Variants in ICMT observed in about 807,000 individuals in gnomAD.
The protein encoded by ICMT is protein-S-isoprenylcysteine O-methyltransferase.
In ICMT, 10 loss-of-function variants were observed where a neutral mutation model predicts 32.2. The observed-to-expected ratio is 0.31, with a 90% CI of 0.19 to 0.53. ICMT has a LOEUF of 0.53. Among genes scored for constraint, ICMT ranks in the 20% least tolerant of loss-of-function variants. The pLI is 0.96. For missense variants in ICMT, 265 were observed against 356.9 expected, an observed-to-expected ratio of 0.74 and a Z score of 2.07; for synonymous variants, 183 against 158.2, an observed-to-expected ratio of 1.16 and a Z score of -1.18.
chr1:6,234,176 G>A (rs1430154489), intron 2 of ICMT, among the ~76,000 whole-genome samples: 1 of 152,162 alleles, frequency 6.6e-6, no homozygotes, highest in Non-Finnish European at 1.5e-5. Flanking sequence ...CGCCCGGCAA[G>A]GGACTGTTTT....
At position 6,224,808 on chromosome 1, in the gene ICMT, T is replaced by C; in HGVS notation, c.*272A>G. ...GCGTGTGGCCTCGGTCCTCCCCAGG[T>C]AACTCTGGAGGGCGCTGTGGAATAT... is the stretch of plus-strand genomic sequence containing the variant. On this transcript the variant is annotated 3_prime_UTR_variant, in exon 5 of 5. Transcript: ENST00000343813. 2.6e-6 allele frequency: 1 copy of C among 385,754 alleles called. No homozygotes were observed. Among genetic ancestry groups the C allele is most frequent in the Non-Finnish European group, 4.6e-6 (1 of 215,736 alleles). The allele number at this position is 385,754 out of a possible 1,614,324, so 23.9% of individuals were successfully genotyped here.
rs571316715 is a variant in ICMT at position 6,234,630 on chromosome 1, C to T, written c.284+256G>A. The T allele has an allele frequency of 5.6e-4, 298 of 535,508 alleles. 1 individual carries two copies. The highest frequency in any genetic ancestry group is 4.4e-3 in the African/African-American group (229 of 52,260). 33.2% of individuals were successfully genotyped at this position (535,508 alleles called of 1,614,324 possible). A position where few individuals can be genotyped will look rare whatever the true frequency, so the allele number is the denominator to read the frequency against. ...CTGCTCAAGTTACGGAATGCTGTCA[C>T]CACAGCTGCGGATGACAGCACCTTT... is the stretch of plus-strand genomic sequence containing the variant. On this transcript the variant is annotated intron_variant, in intron 2 of 4. Coordinates refer to ENST00000343813, the MANE Select transcript of ICMT (RefSeq NM_012405.4).
rs1314376422 is a variant in ICMT at position 6,224,004 on chromosome 1, G to C, written c.*1076C>G. The C allele has an allele frequency of 6.6e-6, 1 of 152,176 alleles. No homozygotes were observed. Among genetic ancestry groups the C allele is most frequent in the East Asian group, 1.9e-4 (1 of 5,200 alleles). The allele number at this position is 152,176 out of a possible 1,614,324, so 9.4% of individuals were successfully genotyped here. A position where few individuals can be genotyped will look rare whatever the true frequency, so the allele number is the denominator to read the frequency against. ...TGAATCTTAGTTGGGACTATTTGCA[G>C]TATTTAAGATTATTTTTGAGAGTCA... On this transcript the variant is annotated 3_prime_UTR_variant, in exon 5 of 5. Transcript: ENST00000343813.
At chr1:6,235,572 G>A (rs1337666341) in intron 1 of ICMT, 145 bp downstream of exon 1, 3 of 420,936 alleles carry the variant, frequency 7.1e-6, no homozygotes, top group Non-Finnish European at 1.0e-5. Context: ...GGAGAGAGAG[G>A]GTCCCCTCCT....
intron 4 of ICMT, among the ~76,000 whole-genome samples, chr1:6,226,257 G>C (rs59383588): frequency 6.6e-6 from 1 of 152,160 alleles, no homozygotes; most frequent in Non-Finnish European, 1.5e-5. Context: ...TTAGCTGGGC[G>C]TAGTGGTGGG....
intron 4 of ICMT, among the ~76,000 whole-genome samples, chr1:6,227,564 G>A (rs998346132): frequency 3.3e-5 from 5 of 152,186 alleles, no homozygotes; most frequent in Admixed American, 6.5e-5. Context: ...ACAGTTTCAA[G>A]AAATAAGGCG....
Position 6,232,095 on chromosome 1 carries a change from C to T in ICMT, c.479G>A (p.Ser160Asn). 6.2e-7 allele frequency: 1 copy of T among 1,613,992 alleles called. No individual in the cohort carries two copies. Among genetic ancestry groups the T allele is most frequent in the Non-Finnish European group, 8.5e-7 (1 of 1,179,950 alleles). Residue 160 changes from serine (S) to asparagine (N), a missense_variant, in exon 4 of 5, where the codon AGT (serine) becomes AAT (asparagine). Ser to Asn is a conservative substitution (Grantham distance 46, BLOSUM62 1). This residue lies in a region of ICMT where 166 missense variants were observed against 264.3 expected (regional missense o/e 0.63). Coordinates refer to ENST00000343813, the MANE Select transcript of ICMT (RefSeq NM_012405.4). ...WPELKQITWL[S>N]VTGLLMVVFG... ...GACCACCATCAGCAGCCCTGTGACA[C>T]TGAGCCAGGTAATCTGCTTCAGTTC...
chr1:6,230,988 G>C (rs78719222), intron 4 of ICMT, among the ~76,000 whole-genome samples: 6,638 of 151,668 alleles, frequency 0.044, 457 homozygotes, highest in African/African-American at 0.15. Context: ...GACTGCTTGA[G>C]CTCAGTAGTT....
Position 6,234,315 on chromosome 1 carries a change from C to T in ICMT, c.284+571G>A, listed in dbSNP as rs1013142231. 36 of 376,356 alleles carry T rather than the reference C, an allele frequency of 9.6e-5. 1 individual carries two copies. Among genetic ancestry groups the T allele is most frequent in the South Asian group, 4.6e-4 (23 of 49,584 alleles). The allele number at this position is 376,356 out of a possible 1,614,324, so 23.3% of individuals were successfully genotyped here. ...AACAACATAAAGGAGTGATGTATGT[C>T]GGATACAAAATTTAACAAAACTGAA... On this transcript the variant is annotated intron_variant, in intron 2 of 4. Coordinates refer to ENST00000343813, the MANE Select transcript of ICMT (RefSeq NM_012405.4).
intron 4 of ICMT, among the ~76,000 whole-genome samples, chr1:6,230,971 G>A (rs1034608099): frequency 6.6e-6 from 1 of 151,788 alleles, no homozygotes; most frequent in Non-Finnish European, 1.5e-5. Context: ...AGAGGCCCAG[G>A]AAGGCAGACT....
chr1:6,230,036 TC>T (rs759300534), intron 4 of ICMT, among the ~76,000 whole-genome samples: 23 of 151,876 alleles, frequency 1.5e-4, no homozygotes, highest in Admixed American at 5.2e-4. Context: ...CCTGGCCTAA[TC>T]CCAGCACTTT....
chr1:6,230,718 T>C (rs528353555), intron 4 of ICMT, among the ~76,000 whole-genome samples: 4 of 149,178 alleles, frequency 2.7e-5, no homozygotes, highest in African/African-American at 5.0e-5. Context: ...TCAAACCTCA[T>C]CTCTACTAAA....
chr1:6,235,786 G>C lies in ICMT; in HGVS notation c.126C>G (p.Thr42=). The change falls in exon 1 of 5, where the codon ACC becomes ACG. Residue 42 remains threonine, a synonymous_variant. Coordinates refer to ENST00000343813, the MANE Select transcript of ICMT (RefSeq NM_012405.4). The stretch of plus-strand genomic sequence containing the variant: ...GCCCGGCCACGTAGAGCGCCAGCCC[G>C]GTGCGGCCCTGCAGGCCGGCGCGCG... ...LLTRAGLQGR[T]GLALYVAGLN... 4 of 1,334,704 alleles carry C rather than the reference G, an allele frequency of 3.0e-6. No individual in the cohort carries two copies. The highest frequency in any genetic ancestry group is 3.9e-6 in the Non-Finnish European group (4 of 1,034,116). 82.7% of individuals were successfully genotyped at this position (1,334,704 alleles called of 1,614,324 possible).
chr1:6,225,394 G>C (rs1367214559), intron 4 of ICMT, 132 bp from the exon 5 acceptor site: 3 of 822,166 alleles, frequency 3.6e-6, no homozygotes, highest in Non-Finnish European at 5.7e-6. Flanking sequence ...GTCTCTGGGA[G>C]CAGTACTGTC....
rs1386149699 is a variant in ICMT at position 6,235,852 on chromosome 1, G to A, written c.60C>T (p.Thr20=). ...PGSEARLSLA[T]FLLGASVLAL... is the part of the protein sequence containing the mutation. ...CGAGCACCGAGGCGCCCAGCAGGAA[G>A]GTGGCGAGGCTGAGACGCGCCTCAG... Residue 20 remains threonine, a synonymous_variant, in exon 1 of 5, where the codon ACC becomes ACT. Transcript: ENST00000343813. The A allele has an allele frequency of 7.9e-7, 1 of 1,259,320 alleles. No homozygotes were observed. The highest frequency in any genetic ancestry group is 1.0e-6 in the Non-Finnish European group (1 of 993,712). The allele number at this position is 1,259,320 out of a possible 1,614,324, so 78.0% of individuals were successfully genotyped here.
chr1:6,225,536 A>G (rs2100960001), intron 4 of ICMT, among the ~76,000 whole-genome samples: 1 of 152,174 alleles, frequency 6.6e-6, no homozygotes, highest in Non-Finnish European at 1.5e-5. Flanking sequence ...GGTGACAGCA[A>G]TGCCCCCCAC....
intron 4 of ICMT, among the ~76,000 whole-genome samples, chr1:6,231,659 G>A (rs1481077678): frequency 6.6e-6 from 1 of 152,092 alleles, no homozygotes; most frequent in Non-Finnish European, 1.5e-5. Context: ...CCCAGGTTCT[G>A]GGCACATAGT....
intron 4 of ICMT, 99 bp downstream of exon 4, chr1:6,231,803 A>T: frequency 1.3e-6 from 1 of 744,046 alleles, no homozygotes; most frequent in Non-Finnish European, 2.2e-6. Context: ...CACTAATTGT[A>T]TATTTTGAAA....
rs1443567402 is a variant in ICMT at position 6,221,300 on chromosome 1, G to A, written c.*3780C>T. The A allele has an allele frequency of 6.6e-6, 1 of 152,646 alleles. No individual in the cohort carries two copies. Among genetic ancestry groups the A allele is most frequent in the Non-Finnish European group, 1.5e-5 (1 of 68,040 alleles). 9.5% of individuals were successfully genotyped at this position (152,646 alleles called of 1,614,324 possible). ...TAAATAAACATTTATGTAAAAAGAA[G>A]AGTAGAATAATTACTCCGTTCAGTT... On this transcript the variant is annotated 3_prime_UTR_variant, in exon 5 of 5. Coordinates refer to ENST00000343813, the MANE Select transcript of ICMT (RefSeq NM_012405.4).
Sources: gnomAD v4.1 joint callset for allele counts (sites outside exome capture counted in the v4.1 genomes callset) on GRCh38, gnomAD v4.1.1 for gene constraint, gnomAD v4.1.1 regional missense constraint, MANE v1.5 for transcripts, NCBI Gene and HGNC (gene_info 2026-07-23, HGNC 2026-07-21) for gene names.